Variants in STXBP5L observed in about 807,000 individuals in gnomAD.
STXBP5L encodes syntaxin binding protein 5L.
Under a neutral mutation model 144.5 loss-of-function variants are expected in STXBP5L, and 65 were observed. The ratio of observed to expected loss-of-function variants is 0.45; its 90% CI spans 0.37 to 0.55. The LOEUF (loss-of-function observed/expected upper bound fraction) is 0.55. Ranked by LOEUF, STXBP5L falls within the 20% of genes least tolerant of loss-of-function variation. The pLI, the probability that STXBP5L is intolerant of heterozygous loss-of-function variation, is 0.00. For synonymous variants in STXBP5L, 505 were observed against 469.6 expected (o/e 1.08, Z -0.97); for missense variants, 1,298 against 1,405.5 (o/e 0.92, Z 1.22).
rs115621728 is a variant in STXBP5L at position 121,133,172 on chromosome 3, C to T, written c.669+11468C>T. 4.6e-3 allele frequency among the ~76,000 whole-genome samples: 695 copies of T among 152,106 alleles called. 5 individuals carry two copies. Among genetic ancestry groups the T allele is most frequent in the African/African-American group, 0.016 (645 of 41,524 alleles). On this transcript the variant is annotated intron_variant, in intron 7 of 26. Coordinates refer to ENST00000471454, the MANE Select transcript of STXBP5L (RefSeq NM_001308330.2). ...ATTGCTTGAGCCCAAGAGTTTGAGACCAGCCTGGACAACATGACAAGACCC... is the reference window on the plus strand; with the variant it reads ...ATTGCTTGAGCCCAAGAGTTTGAGATCAGCCTGGACAACATGACAAGACCC...
intron 3 of STXBP5L, among the ~76,000 whole-genome samples, chr3:120,978,677 T>C (rs1006178130): frequency 1.3e-5 from 2 of 152,190 alleles, no homozygotes. Context: ...TTTGTGGTTT[T>C]ATCTACTTTT....
chr3:121,181,459 C>T (rs182457047), intron 9 of STXBP5L, among the ~76,000 whole-genome samples: 99 of 152,338 alleles, frequency 6.5e-4, no homozygotes, highest in African/African-American at 2.2e-3. Flanking sequence ...ACCGGCTGGG[C>T]GCAGTGGCTA....
chr3:121,015,405 A>G (rs9884037), intron 3 of STXBP5L, among the ~76,000 whole-genome samples: 15,107 of 152,190 alleles, frequency 0.099, 1,184 homozygotes, highest in Admixed American at 0.2. Flanking sequence ...GATTTCAGTG[A>G]AAACCTACAG....
chr3:121,401,645 C>CA (rs1311921473), intron 22 of STXBP5L, among the ~76,000 whole-genome samples: 2 of 120,266 alleles, frequency 1.7e-5, no homozygotes, highest in African/African-American at 6.5e-5. Context: ...ATCGCAAGAA[C>CA]AAAAAACCAA....
At chr3:121,199,055 A>C (rs984224895) in intron 9 of STXBP5L, among the ~76,000 whole-genome samples, 1 of 152,152 alleles carries the variant, frequency 6.6e-6, no homozygotes, top group African/African-American at 2.4e-5. Context: ...ATTTCATTGA[A>C]TCTATAAGTT....
chr3:120,964,343 C>T (rs967294954), intron 3 of STXBP5L, among the ~76,000 whole-genome samples: 2 of 152,130 alleles, frequency 1.3e-5, no homozygotes, highest in African/African-American at 4.8e-5. Context: ...TCTTGCTTCT[C>T]TAGTTATATT....
intron 23 of STXBP5L, among the ~76,000 whole-genome samples, chr3:121,409,773 G>C (rs1482507099): frequency 6.6e-6 from 1 of 151,882 alleles, no homozygotes; most frequent in African/African-American, 2.4e-5. Context: ...TTGCACTACA[G>C]GGCAGAGTTG....
intron 23 of STXBP5L, among the ~76,000 whole-genome samples, chr3:121,411,779 A>T (rs962880428): frequency 1.3e-5 from 2 of 152,116 alleles, no homozygotes; most frequent in East Asian, 3.9e-4. Context: ...GAGTAAAGGA[A>T]TGGGGAGCAA....
At chr3:121,092,350 AT>A (rs977355922) in intron 5 of STXBP5L, among the ~76,000 whole-genome samples, 6 of 152,020 alleles carry the variant, frequency 3.9e-5, no homozygotes, top group African/African-American at 1.5e-4. Context: ...GAATCTATAA[AT>A]TACCTTGGGC....
intron 10 of STXBP5L, among the ~76,000 whole-genome samples, chr3:121,221,898 T>C (rs2048984636): frequency 6.6e-6 from 1 of 151,940 alleles, no homozygotes; most frequent in South Asian, 2.1e-4. Flanking sequence ...TTTTTGGTTA[T>C]ATAGCCAGCA....
chr3:121,041,717 T>C lies in STXBP5L; in HGVS notation c.305T>C (p.Val102Ala), dbSNP rs760071219. 4 of 1,612,384 alleles carry C rather than the reference T, an allele frequency of 2.5e-6. No individual in the cohort carries two copies. Among genetic ancestry groups the C allele is most frequent in the African/African-American group, 2.7e-5 (2 of 74,850 alleles). Reference protein sequence around the residue: ...GAIRILGRPGVDCYCQHESGA... With the variant: ...GAIRILGRPGADCYCQHESGA... ...TATATTAGACTCGGGAGACCTGGTG[T>C]TGATTGCTATTGCCAACATGAAAGT... Residue 102 changes from valine (V) to alanine (A), a missense_variant, in exon 4 of 27, where the codon GTT (valine) becomes GCT (alanine). By Grantham distance (64) the Val-to-Ala change is moderately conservative (BLOSUM62 0). Transcript: ENST00000471454.
chr3:121,051,521 A>G (rs554054832), intron 5 of STXBP5L, among the ~76,000 whole-genome samples: 1 of 152,340 alleles, frequency 6.6e-6, no homozygotes, highest in East Asian at 1.9e-4. Context: ...AGAAATAAAG[A>G]TGTTCTTTGA....
chr3:121,073,772 G>A (rs1028225065), intron 5 of STXBP5L, among the ~76,000 whole-genome samples: 1 of 152,076 alleles, frequency 6.6e-6, no homozygotes, highest in Non-Finnish European at 1.5e-5. Flanking sequence ...GAGTAATTTG[G>A]AATCCAAATG....
At position 121,381,185 on chromosome 3, in the gene STXBP5L, A is replaced by G. The variant is rs569995639; in HGVS notation, c.2348-108A>G. 87 of 1,146,784 alleles carry G rather than the reference A, an allele frequency of 7.6e-5. No homozygotes were observed. The South Asian group carries it at 8.1e-4, about 11-fold the overall frequency. 71.0% of individuals were successfully genotyped at this position (1,146,784 alleles called of 1,614,324 possible). A position where few individuals can be genotyped will look rare whatever the true frequency, so the allele number is the denominator to read the frequency against. On this transcript the variant is annotated intron_variant, in intron 21 of 26. Coordinates refer to ENST00000471454, the MANE Select transcript of STXBP5L (RefSeq NM_001308330.2). ...TCCCTCTCAGGTCAATTAACAAACA[A>G]TGAAATTTTACTTCCTCCTCATAAT...
chr3:121,020,219 C>A (rs376971620), intron 3 of STXBP5L, among the ~76,000 whole-genome samples: 5 of 151,758 alleles, frequency 3.3e-5, no homozygotes, highest in African/African-American at 9.7e-5. Flanking sequence ...TCCAATCCAA[C>A]AAAGACAAAG....
At chr3:121,088,439 A>T in intron 5 of STXBP5L, among the ~76,000 whole-genome samples, 2 of 109,564 alleles carry the variant, frequency 1.8e-5, no homozygotes, top group African/African-American at 7.2e-5. Flanking sequence ...AAATCAGGAA[A>T]CAACAGGTGC....
At chr3:121,416,647 A>G (rs1246782149) in intron 25 of STXBP5L, among the ~76,000 whole-genome samples, 1 of 151,456 alleles carries the variant, frequency 6.6e-6, no homozygotes, top group African/African-American at 2.4e-5. Flanking sequence ...AGCTGGGATT[A>G]TAGGCGCCCA....
chr3:121,363,148 C>T (rs1487208433), intron 20 of STXBP5L, among the ~76,000 whole-genome samples: 1 of 152,126 alleles, frequency 6.6e-6, no homozygotes, highest in Non-Finnish European at 1.5e-5. Flanking sequence ...CTCTCCTGTC[C>T]TTAATCAGAA....
At chr3:121,210,974 A>G (rs368111687) in intron 10 of STXBP5L, among the ~76,000 whole-genome samples, 1 of 152,248 alleles carries the variant, frequency 6.6e-6, no homozygotes, top group African/African-American at 2.4e-5. Context: ...GAAGAAAGTC[A>G]TTGGTAGCTT....
Sources: allele counts gnomAD v4.1 joint callset (sites outside exome capture counted in the v4.1 genomes callset), GRCh38; gene constraint gnomAD v4.1.1; transcripts MANE v1.5; gene names NCBI Gene and HGNC (gene_info 2026-07-23, HGNC 2026-07-21).